Variants in PATJ observed in about 807,000 individuals in gnomAD.
PATJ encodes inaD-like protein.
A neutral mutation model predicts 224.9 loss-of-function variants in PATJ; 190 were observed. That is an observed-to-expected ratio of 0.84 (90% CI 0.75 to 0.95). PATJ has a LOEUF of 0.95. PATJ is among the 40% of genes least tolerant of loss of function. The pLI, the probability that PATJ is intolerant of heterozygous loss-of-function variation, is 0.00. For missense variants in PATJ, 2,121 were observed against 2,270.3 expected (o/e 0.93, Z 1.34); for synonymous variants, 769 against 820.3 (o/e 0.94, Z 1.07).
intron 20 of PATJ, among the ~76,000 whole-genome samples, chr1:61,871,393 ATATATATGTG>A (rs1666358596): frequency 8.2e-6 from 1 of 121,706 alleles, no homozygotes; most frequent in South Asian, 2.5e-4. Flanking sequence ...TTGTGTATAT[ATATATATGTG>A]TATATATATA....
intron 27 of PATJ, among the ~76,000 whole-genome samples, chr1:61,948,208 C>T (rs1011758687): frequency 3.3e-5 from 5 of 152,164 alleles, no homozygotes; most frequent in African/African-American, 1.2e-4. Flanking sequence ...CCAAAATTGA[C>T]AAATGGGATC....
chr1:61,821,043 C>CT (rs113639554), intron 14 of PATJ, among the ~76,000 whole-genome samples: 14,403 of 143,190 alleles, frequency 0.1, 761 homozygotes, highest in Middle Eastern at 0.16. Flanking sequence ...GAAAAACTAT[C>CT]TTTTTTTTTT....
chr1:61,779,390 T>C (rs1647119216), intron 7 of PATJ, among the ~76,000 whole-genome samples: 1 of 152,160 alleles, frequency 6.6e-6, no homozygotes, highest in South Asian at 2.1e-4. Flanking sequence ...CAGAATTTCT[T>C]CTCTAGGAAA....
intron 11 of PATJ, 41 bp from the exon 12 acceptor site, chr1:61,801,582 G>A (rs2148585961): frequency 1.6e-6 from 2 of 1,265,724 alleles, no homozygotes; most frequent in Non-Finnish European, 1.1e-6. Flanking sequence ...ATTCAAGTTA[G>A]CATTAACAAA....
At chr1:61,933,961 A>T (rs933543939) in intron 27 of PATJ, among the ~76,000 whole-genome samples, 1 of 151,132 alleles carries the variant, frequency 6.6e-6, no homozygotes, top group African/African-American at 2.4e-5. Context: ...TTCGAGATGG[A>T]GTCTTGCTCT....
At chr1:62,056,331 C>A (rs1654527036) in intron 31 of PATJ, among the ~76,000 whole-genome samples, 1 of 152,148 alleles carries the variant, frequency 6.6e-6, no homozygotes, top group Admixed American at 6.5e-5. Flanking sequence ...ATAGTAGTAT[C>A]ATTTCCATGT....
intron 17 of PATJ, among the ~76,000 whole-genome samples, chr1:61,841,394 A>C (rs1260475633): frequency 6.6e-6 from 1 of 152,222 alleles, no homozygotes; most frequent in East Asian, 1.9e-4. Flanking sequence ...TGTAGGATTT[A>C]GCATTTGATA....
chr1:62,106,115 C>CACACACACACACACAT (rs140461579), intron 33 of PATJ, among the ~76,000 whole-genome samples: 4 of 46,462 alleles, frequency 8.6e-5, no homozygotes, highest in African/African-American at 3.0e-4. Context: ...CACACACACA[C>CACACACACACACACAT]ACACAAACAC....
chr1:61,933,220 A>G (rs1676288903), intron 27 of PATJ, among the ~76,000 whole-genome samples: 1 of 152,160 alleles, frequency 6.6e-6, no homozygotes, highest in Non-Finnish European at 1.5e-5. Context: ...TTGATGGTGC[A>G]GGAACTTTTG....
At position 61,856,126 on chromosome 1, in the gene PATJ, CT is replaced by C; in HGVS notation, c.2210del (p.Leu737ArgfsTer21). On this transcript the variant is annotated frameshift_variant, in exon 18 of 44. Transcript: ENST00000642238. LOFTEE classifies it high-confidence loss of function. Reference sequence around the variant, plus strand: ...TGGGGGACTATTACCTGGAGACCGCCTGGTCTCAGTCAATGAATACTGTTTG... The same window carrying C: ...TGGGGGACTATTACCTGGAGACCGCCGGTCTCAGTCAATGAATACTGTTTG... ...RSGGLLPGDR[L>X]VSVNEYCLDN... The C allele has an allele frequency of 6.2e-7, 1 of 1,613,336 alleles. No individual in the cohort carries two copies. The highest frequency in any genetic ancestry group is 8.5e-7 in the Non-Finnish European group (1 of 1,179,272).
At chr1:62,132,140 G>A (rs997418740) in intron 41 of PATJ, among the ~76,000 whole-genome samples, 1 of 152,152 alleles carries the variant, frequency 6.6e-6, no homozygotes, top group Non-Finnish European at 1.5e-5. Flanking sequence ...GAGCCACCAC[G>A]CCCAGCTGAA....
chr1:61,746,615 A>G (rs1247200872), intron 1 of PATJ, among the ~76,000 whole-genome samples: 1 of 152,258 alleles, frequency 6.6e-6, no homozygotes, highest in Non-Finnish European at 1.5e-5. Context: ...ACAAGGTCAC[A>G]TAAAATGGGT....
intron 1 of PATJ, among the ~76,000 whole-genome samples, chr1:61,751,325 G>A (rs1645312469): frequency 6.6e-6 from 1 of 152,090 alleles, no homozygotes; most frequent in African/African-American, 2.4e-5. Flanking sequence ...AATTTCTGGG[G>A]AGAAGCTGGG....
At chr1:62,130,846 G>A (rs762921315) in intron 41 of PATJ, among the ~76,000 whole-genome samples, 31 of 152,084 alleles carry the variant, frequency 2.0e-4, no homozygotes, top group African/African-American at 6.8e-4. Context: ...GCAAGACTCC[G>A]TCTCAAAAGA....
In PATJ at chr1:61,797,418, T is replaced by TCTATCCC; in HGVS notation, c.1392_1393insCTATCCC (p.Ser465LeufsTer26). ...CATCTACTTCTCCACTTGAACCACC[T>TCTATCCC]TCAGACAGAGGTGATTAATTTGCCA... On this transcript the variant is annotated frameshift_variant, in exon 11 of 44. Transcript: ENST00000642238. LOFTEE classifies it high-confidence loss of function. 1.2e-6 allele frequency: 2 copies of TCTATCCC among 1,612,968 alleles called. No homozygotes were observed. The highest frequency in any genetic ancestry group is 2.2e-5 in the South Asian group (2 of 91,024).
chr1:61,753,846 A>C (rs939852931), intron 1 of PATJ, among the ~76,000 whole-genome samples: 12 of 150,694 alleles, frequency 8.0e-5, no homozygotes, highest in African/African-American at 2.9e-4. Flanking sequence ...TCTTAATCAG[A>C]TCAAGAGTTT....
At chr1:62,139,336 A>G (rs1463191627) in intron 41 of PATJ, among the ~76,000 whole-genome samples, 4 of 140,882 alleles carry the variant, frequency 2.8e-5, no homozygotes, top group East Asian at 2.4e-4. Flanking sequence ...GGAGGCAGAG[A>G]TTGCAGTGAG....
Position 61,948,367 on chromosome 1 carries a change from G to GA in PATJ, c.3670+20544dup, listed in dbSNP as rs1468450962. On this transcript the variant is annotated intron_variant, in intron 27 of 43. Transcript: ENST00000642238. ...ACAATGAACTCAAACAAATTTACAA[G>GA]AAAAAATCAAACAACCCCATCAAAA... 3.3e-5 allele frequency among the ~76,000 whole-genome samples: 5 copies of GA among 152,070 alleles called. No individual in the cohort carries two copies. In the South Asian group the frequency reaches 6.2e-4, roughly 19 times the overall value.
chr1:61,990,070 C>A, intron 27 of PATJ, 98 bp from the exon 28 acceptor site: 2 of 927,222 alleles, frequency 2.2e-6, no homozygotes, highest in African/African-American at 1.7e-5. Context: ...AAAAAAGGTA[C>A]CATAGTTGAG....
Sources: allele counts gnomAD v4.1 joint callset (sites outside exome capture counted in the v4.1 genomes callset), GRCh38; gene constraint gnomAD v4.1.1; transcripts MANE v1.5; gene names NCBI Gene and HGNC (gene_info 2026-07-23, HGNC 2026-07-21).